Variants in LINGO2 observed in about 807,000 individuals in gnomAD.
LINGO2 encodes the protein leucine-rich repeat and immunoglobulin-like domain-containing nogo receptor-interacting protein 2.
Under a neutral mutation model 30.6 loss-of-function variants are expected in LINGO2, and 14 were observed. The ratio of observed to expected loss-of-function variants is 0.46; its 90% CI spans 0.30 to 0.72. LINGO2 has a LOEUF of 0.72. LINGO2 is among the 30% of genes least tolerant of loss of function. LINGO2 has a pLI of 0.07. For missense variants in LINGO2, 729 were observed against 751.7 expected (o/e 0.97, Z 0.35); for synonymous variants, 317 against 288.5 (o/e 1.10, Z -1.00).
At chr9:28,271,950 T>C (rs1361634325) in intron 4 of LINGO2, among the ~76,000 whole-genome samples, 1 of 152,220 alleles carries the variant, frequency 6.6e-6, no homozygotes, top group Non-Finnish European at 1.5e-5. Flanking sequence ...CATTGAGGTT[T>C]GAATACCATG....
At chr9:28,994,194 A>C in the LINGO2 span, among the ~76,000 whole-genome samples, 1,085 of 152,290 alleles carry the variant, frequency 7.1e-3, 13 homozygotes, top group African/African-American at 0.025. Context: ...ATCAATGTAC[A>C]AAAATCACAA....
chr9:27,981,570 G>A (rs76948741), intron 5 of LINGO2, among the ~76,000 whole-genome samples: 8,895 of 95,222 alleles, frequency 0.093, 188 homozygotes, highest in African/African-American at 0.12. Context: ...GAAAAAAAAA[G>A]AAAAAAAAAA....
At chr9:28,210,881 A>G (rs1820565975) in intron 4 of LINGO2, among the ~76,000 whole-genome samples, 1 of 151,596 alleles carries the variant, frequency 6.6e-6, no homozygotes, top group Non-Finnish European at 1.5e-5. Context: ...CAAGAGAGGA[A>G]CATTAGCTCC....
the LINGO2 span, among the ~76,000 whole-genome samples, chr9:28,951,752 G>A: frequency 6.6e-6 from 1 of 152,112 alleles, no homozygotes; most frequent in Non-Finnish European, 1.5e-5. Flanking sequence ...AGCCCTAAGG[G>A]TGGAGGTGCT....
At chr9:28,006,500 C>A (rs1210963592) in intron 5 of LINGO2, among the ~76,000 whole-genome samples, 3 of 151,956 alleles carry the variant, frequency 2.0e-5, no homozygotes, top group African/African-American at 7.2e-5. Flanking sequence ...TTGCATTAGA[C>A]AAGAACTATA....
chr9:28,448,313 AAAC>A (rs983762515), intron 2 of LINGO2, among the ~76,000 whole-genome samples: 1 of 152,144 alleles, frequency 6.6e-6, no homozygotes, highest in African/African-American at 2.4e-5. Flanking sequence ...ACTAAAAGTT[AAAC>A]AACAGCATAT....
At chr9:29,169,942 C>A in the LINGO2 span, among the ~76,000 whole-genome samples, 1 of 151,826 alleles carries the variant, frequency 6.6e-6, no homozygotes, top group Non-Finnish European at 1.5e-5. Flanking sequence ...AAGCAGTGAG[C>A]CAAGCTCGCG....
the LINGO2 span, among the ~76,000 whole-genome samples, chr9:29,109,462 C>G: frequency 6.6e-6 from 1 of 151,958 alleles, no homozygotes; most frequent in East Asian, 1.9e-4. Context: ...TATATTAGAT[C>G]CATGCAATTT....
chr9:28,884,987 AATAATATAT>A, the LINGO2 span, among the ~76,000 whole-genome samples: 523 of 5,878 alleles, frequency 0.089, 75 homozygotes, highest in Non-Finnish European at 0.11. Context: ...TATAATATAT[AATAATATAT>A]TATATATATA....
At chr9:28,848,397 G>GTGTATATA in the LINGO2 span, among the ~76,000 whole-genome samples, 14 of 48,434 alleles carry the variant, frequency 2.9e-4, no homozygotes, top group African/African-American at 5.7e-4. Flanking sequence ...GTGTGTGTGT[G>GTGTATATA]TATATATATA....
At chr9:28,561,797 G>T (rs1823099809) in intron 1 of LINGO2, among the ~76,000 whole-genome samples, 6 of 117,996 alleles carry the variant, frequency 5.1e-5, no homozygotes, top group East Asian at 3.0e-4. Context: ...TATGCTACTA[G>T]AACTGAAAAA....
intron 4 of LINGO2, among the ~76,000 whole-genome samples, chr9:28,290,891 G>A (rs1016812864): frequency 3.9e-5 from 6 of 152,154 alleles, no homozygotes; most frequent in Admixed American, 6.5e-5. Flanking sequence ...CTACTGGGTC[G>A]GTTTCAAAAG....
At chr9:28,778,845 C>A in the LINGO2 span, among the ~76,000 whole-genome samples, 1 of 152,002 alleles carries the variant, frequency 6.6e-6, no homozygotes, top group Non-Finnish European at 1.5e-5. Flanking sequence ...CTATTGAAAA[C>A]ACAAAAAAAG....
At chr9:28,267,478 ACC>A (rs1391894809) in intron 4 of LINGO2, among the ~76,000 whole-genome samples, 1 of 151,964 alleles carries the variant, frequency 6.6e-6, no homozygotes, top group East Asian at 1.9e-4. Flanking sequence ...TGCTACAGCT[ACC>A]CGTCTAGTAA....
rs574285654 is a variant in LINGO2 at position 28,087,824 on chromosome 9, G to A, written c.-86-75419C>T. The stretch of plus-strand genomic sequence containing the variant: ...GTTCACATTTCCAGTCCTGTAACAT[G>A]AGTAACCCATGAGATAGCTCCTAGT... On this transcript the variant is annotated intron_variant, in intron 4 of 5. Coordinates refer to ENST00000379992, the Ensembl canonical transcript of LINGO2. 1.4e-4 allele frequency among the ~76,000 whole-genome samples: 21 copies of A among 152,114 alleles called. No individual in the cohort carries two copies. The East Asian group carries it at 4.1e-3, about 29-fold the overall frequency.
chr9:28,656,698 A>G (rs184839519), intron 1 of LINGO2, among the ~76,000 whole-genome samples: 24 of 152,212 alleles, frequency 1.6e-4, no homozygotes, highest in Admixed American at 4.6e-4. Flanking sequence ...AAGGAGGAAA[A>G]TTTGAAAAAA....
chr9:28,585,169 T>G (rs1429467332), intron 1 of LINGO2, among the ~76,000 whole-genome samples: 1 of 152,062 alleles, frequency 6.6e-6, no homozygotes, highest in East Asian at 1.9e-4. Context: ...TATTTGTATA[T>G]CCCAGACAAC....
At chr9:28,395,472 A>G (rs915735292) in intron 2 of LINGO2, among the ~76,000 whole-genome samples, 1 of 152,202 alleles carries the variant, frequency 6.6e-6, no homozygotes, top group Non-Finnish European at 1.5e-5. Flanking sequence ...TATATTTCAA[A>G]ACCATTTCAA....
the LINGO2 span, among the ~76,000 whole-genome samples, chr9:28,991,066 C>T: frequency 3.0e-4 from 46 of 152,182 alleles, no homozygotes; most frequent in East Asian, 5.4e-3. Flanking sequence ...CAAACTACTC[C>T]GAGCTACAGG....
Sources: allele counts gnomAD v4.1 joint callset (sites outside exome capture counted in the v4.1 genomes callset), GRCh38; gene constraint gnomAD v4.1.1; transcripts MANE v1.5; gene names NCBI Gene and HGNC (gene_info 2026-07-23, HGNC 2026-07-21).